The following TTC7B variants were observed in gnomAD, a reference collection of about 807,000 sequenced individuals.
The protein encoded by TTC7B is tetratricopeptide repeat domain 7B.
A neutral mutation model predicts 106.8 loss-of-function variants in TTC7B; 28 were observed. The ratio of observed to expected loss-of-function variants is 0.26; its 90% CI spans 0.19 to 0.36. TTC7B has a LOEUF of 0.36. Among genes scored for constraint, TTC7B ranks in the 10% least tolerant of loss-of-function variants. TTC7B has a pLI of 1.00. For missense variants in TTC7B, 862 were observed against 1,076.4 expected (o/e 0.80, Z 2.79); for synonymous variants, 405 against 430.6 (o/e 0.94, Z 0.74).
At chr14:90,750,494 AT>A (rs1357901491) in intron 3 of TTC7B, among the ~76,000 whole-genome samples, 1 of 152,216 alleles carries the variant, frequency 6.6e-6, no homozygotes, top group East Asian at 1.9e-4. Flanking sequence ...TATCATCTAT[AT>A]TTTATCATGT....
chr14:90,673,020 T>C (rs1213682878), intron 9 of TTC7B, among the ~76,000 whole-genome samples: 1 of 152,208 alleles, frequency 6.6e-6, no homozygotes, highest in East Asian at 1.9e-4. Flanking sequence ...CTCACACGAC[T>C]GGTACATAGC....
chr14:90,783,679 G>A (rs532946458), intron 2 of TTC7B, among the ~76,000 whole-genome samples: 35 of 152,334 alleles, frequency 2.3e-4, no homozygotes, highest in South Asian at 4.1e-4. Context: ...GCTCAGGCCT[G>A]TAATCCCAGC....
intron 15 of TTC7B, among the ~76,000 whole-genome samples, chr14:90,639,797 G>A (rs80184980): frequency 0.056 from 8,448 of 152,190 alleles, 271 homozygotes; most frequent in Middle Eastern, 0.088. Flanking sequence ...ACTAAGTAAG[G>A]AAATCTTAGT....
At chr14:90,792,444 G>A (rs1891620242) in intron 1 of TTC7B, among the ~76,000 whole-genome samples, 1 of 152,120 alleles carries the variant, frequency 6.6e-6, no homozygotes, top group Non-Finnish European at 1.5e-5. Flanking sequence ...AGGCATGGTG[G>A]TGCACGCCTG....
chr14:90,664,428 C>A (rs1015044344), intron 9 of TTC7B, among the ~76,000 whole-genome samples: 3 of 152,060 alleles, frequency 2.0e-5, no homozygotes, highest in Non-Finnish European at 4.4e-5. Flanking sequence ...CGCCACCAGG[C>A]CCAGCTAATT....
At chr14:90,618,360 T>C (rs896965485) in intron 15 of TTC7B, among the ~76,000 whole-genome samples, 4 of 152,258 alleles carry the variant, frequency 2.6e-5, no homozygotes, top group Non-Finnish European at 5.9e-5. Flanking sequence ...CAAACCAATT[T>C]ATTTGTGAAA....
At chr14:90,699,078 G>A (rs1157114041) in intron 5 of TTC7B, 1 of 436,058 alleles carries the variant, frequency 2.3e-6, no homozygotes, top group Non-Finnish European at 4.6e-6. Flanking sequence ...CTGGCGATAG[G>A]TTCCAGTTCC....
At chr14:90,794,250 C>G (rs1461082894) in intron 1 of TTC7B, among the ~76,000 whole-genome samples, 2 of 133,642 alleles carry the variant, frequency 1.5e-5, no homozygotes, top group Admixed American at 7.7e-5. Context: ...GACGGAGTCT[C>G]GCTCTGTCAC....
At chr14:90,812,626 C>A (rs2030959096) in intron 1 of TTC7B, among the ~76,000 whole-genome samples, 1 of 152,044 alleles carries the variant, frequency 6.6e-6, no homozygotes, top group African/African-American at 2.4e-5. Context: ...GGACTGTCTC[C>A]CACCCCCACC....
chr14:90,718,025 T>G (rs1888728323), intron 5 of TTC7B, among the ~76,000 whole-genome samples: 1 of 152,200 alleles, frequency 6.6e-6, no homozygotes, highest in African/African-American at 2.4e-5. Flanking sequence ...TTCCCCACAC[T>G]CATGTGTTAT....
intron 5 of TTC7B, among the ~76,000 whole-genome samples, chr14:90,712,325 C>T (rs911284810): frequency 1.4e-4 from 21 of 152,134 alleles, no homozygotes; most frequent in Admixed American, 5.9e-4. Flanking sequence ...TAAAAGGGAT[C>T]GAGATTGAAC....
At chr14:90,617,739 A>C (rs1893142636) in intron 16 of TTC7B, among the ~76,000 whole-genome samples, 190 bp downstream of exon 16, 1 of 152,246 alleles carries the variant, frequency 6.6e-6, no homozygotes, top group Non-Finnish European at 1.5e-5. Flanking sequence ...TGGAGGCTTC[A>C]TCAGCCACTG....
rs1888487796 is a variant in TTC7B, at chr14:90,712,491, A to G, written c.699-16913T>C. On this transcript the variant is annotated intron_variant, in intron 5 of 19. Transcript: ENST00000328459. Reference sequence around the variant, plus strand: ...TAAAAATCAAAAGTTTTCAATAACAAAAAATAATTTGAAAATGAAATTAAG... The same window carrying G: ...TAAAAATCAAAAGTTTTCAATAACAGAAAATAATTTGAAAATGAAATTAAG... 2.6e-5 allele frequency among the ~76,000 whole-genome samples: 4 copies of G among 152,252 alleles called. No homozygotes were observed. In the South Asian group the frequency reaches 6.2e-4, roughly 24 times the overall value.
intron 6 of TTC7B, 46 bp downstream of exon 6, chr14:90,695,454 A>G: frequency 8.5e-7 from 1 of 1,176,858 alleles, no homozygotes; most frequent in South Asian, 1.6e-5. Flanking sequence ...AATACCTATG[A>G]GACAAGTGCC....
intron 15 of TTC7B, among the ~76,000 whole-genome samples, chr14:90,633,944 A>C (rs1043359458): frequency 4.0e-5 from 6 of 151,482 alleles, no homozygotes. Flanking sequence ...GCGCGGTCTC[A>C]GCTCATTGCA....
At position 90,593,562 on chromosome 14, in the gene TTC7B, C is replaced by T. The variant is rs200803822; in HGVS notation, c.2031G>A (p.Ser677=). The T allele has an allele frequency of 3.3e-5, 53 of 1,612,564 alleles. No homozygotes were observed. The African/African-American group carries it at 6.0e-4, about 18-fold the overall frequency. ...GCTTAGGGGCACTGCTCTGCAGAGA[C>T]GAAGCCACTTCCGACAGTGCCTGCT... ...RVEQALSEVA[S]SLQSSAPKQG... The change falls in exon 18 of 20, where the codon TCG becomes TCA. Residue 677 remains serine, a synonymous_variant. Coordinates refer to ENST00000328459, the MANE Select transcript of TTC7B (RefSeq NM_001010854.2).
intron 17 of TTC7B, among the ~76,000 whole-genome samples, chr14:90,599,234 C>T (rs893301204): frequency 7.2e-5 from 11 of 152,200 alleles, no homozygotes; most frequent in South Asian, 2.1e-4. Flanking sequence ...ATTTGTCACA[C>T]GCAAGTGTTG....
intron 15 of TTC7B, among the ~76,000 whole-genome samples, chr14:90,637,605 C>T (rs978139641): frequency 1.4e-4 from 22 of 152,090 alleles, no homozygotes; most frequent in Admixed American, 3.3e-4. Context: ...TGTACACAAA[C>T]GCGAAGTTCT....
chr14:90,641,934 C>CGT (rs145476335), intron 15 of TTC7B, among the ~76,000 whole-genome samples: 18,728 of 147,020 alleles, frequency 0.13, 2,124 homozygotes, highest in African/African-American at 0.32. Flanking sequence ...TGTGTGTGTG[C>CGT]GTGTGTGTGT....
Sources: allele counts gnomAD v4.1 joint callset (sites outside exome capture counted in the v4.1 genomes callset), GRCh38; gene constraint gnomAD v4.1.1; transcripts MANE v1.5; gene names NCBI Gene and HGNC (gene_info 2026-07-23, HGNC 2026-07-21).